CCDC178: variants seen among roughly 807,000 people sequenced by gnomAD.
The protein encoded by CCDC178 is coiled-coil domain-containing protein 178.
In CCDC178, 126 loss-of-function variants were observed where a neutral mutation model predicts 117.4. The observed-to-expected ratio is 1.07, with a 90% CI of 0.93 to 1.24. CCDC178 has a LOEUF of 1.24. Among genes scored for constraint, CCDC178 ranks in the 50% most tolerant of loss-of-function variants. CCDC178 has a pLI of 0.00. For missense variants in CCDC178, 1,030 were observed against 986.9 expected (o/e 1.04, Z -0.59); for synonymous variants, 283 against 313.4 (o/e 0.90, Z 1.02).
chr18:33,053,963 A>G (rs956728215), intron 21 of CCDC178, among the ~76,000 whole-genome samples: 1 of 152,176 alleles, frequency 6.6e-6, no homozygotes, highest in African/African-American at 2.4e-5. Context: ...TTATGTTAAA[A>G]TATAGTTTTC....
chr18:32,940,867 T>C lies in CCDC178; in HGVS notation c.2524-2776A>G, dbSNP rs2054223425. ...GAATCAACCTCCCTTTCTAAACTCA[T>C]TGGATTTGCTTTATGTGGGAAATGA... On this transcript the variant is annotated intron_variant, in intron 22 of 22. Coordinates refer to ENST00000383096, the MANE Select transcript of CCDC178 (RefSeq NM_001105528.4). Among the ~76,000 whole-genome samples the C allele has an allele frequency of 2.0e-5, 3 of 152,026 alleles. No homozygotes were observed. The South Asian group carries it at 6.2e-4, about 32-fold the overall frequency.
chr18:33,403,533 A>T (rs2063738719), intron 3 of CCDC178, among the ~76,000 whole-genome samples: 1 of 152,186 alleles, frequency 6.6e-6, no homozygotes, highest in Non-Finnish European at 1.5e-5. Context: ...AGAGGAATAA[A>T]GCAAATAGAC....
intron 21 of CCDC178, chr18:32,983,492 A>C: frequency 3.6e-6 from 2 of 551,142 alleles, no homozygotes; most frequent in Non-Finnish European, 6.4e-6. Flanking sequence ...AGAAGAGAAA[A>C]AAATGCTGTA....
At chr18:33,069,227 TC>T (rs1290636315) in intron 21 of CCDC178, among the ~76,000 whole-genome samples, 1 of 151,958 alleles carries the variant, frequency 6.6e-6, no homozygotes. Flanking sequence ...GCCAAAGCAA[TC>T]CTGAGTGAAA....
At position 33,055,344 on chromosome 18, in the gene CCDC178, C is replaced by CT. The variant is rs960283363; in HGVS notation, c.2388+37416dup. Among the ~76,000 whole-genome samples the CT allele has an allele frequency of 2.4e-3, 359 of 151,808 alleles. 1 individual carries two copies. The highest frequency in any genetic ancestry group is 8.3e-3 in the African/African-American group (345 of 41,402). On this transcript the variant is annotated intron_variant, in intron 21 of 22. Transcript: ENST00000383096. Reference sequence around the variant, plus strand: ...TTATCTTTAACTTCCTATTCTTTTTCTTTTTTTTAAGACAGGGTCTCTCAC... The same window carrying CT: ...TTATCTTTAACTTCCTATTCTTTTTCTTTTTTTTTAAGACAGGGTCTCTCAC...
Position 33,348,971 on chromosome 18 carries a change from T to C in CCDC178, c.376A>G (p.Arg126Gly). Reference protein sequence around the residue: ...RFETSFEEWSRTSSTKDLKED... With the variant: ...RFETSFEEWSGTSSTKDLKED... The stretch of plus-strand genomic sequence containing the variant: ...TTCAGGTCTTTTGTGGAAGAAGTTC[T>C]GCTCCTATATAATGGGAAAGAAGCA... Residue 126 changes from arginine to glycine, a missense_variant, in exon 8 of 23, where the codon AGA becomes GGA. Coordinates refer to ENST00000383096, the MANE Select transcript of CCDC178 (RefSeq NM_001105528.4). 6.2e-7 allele frequency: 1 copy of C among 1,602,566 alleles called. No individual in the cohort carries two copies. Among genetic ancestry groups the C allele is most frequent in the Non-Finnish European group, 8.5e-7 (1 of 1,173,382 alleles).
intron 21 of CCDC178, among the ~76,000 whole-genome samples, chr18:32,998,740 C>T (rs551477549): frequency 1.3e-5 from 2 of 152,090 alleles, no homozygotes; most frequent in South Asian, 2.1e-4. Flanking sequence ...AGAAAGGAAC[C>T]GTTGCCTTGA....
chr18:32,995,008 C>G (rs568081493), intron 21 of CCDC178, among the ~76,000 whole-genome samples: 1 of 152,246 alleles, frequency 6.6e-6, no homozygotes, highest in East Asian at 1.9e-4. Context: ...GATAGCAGCT[C>G]AGTTATGCCA....
chr18:33,094,164 CAT>C (rs1189315549), intron 20 of CCDC178, among the ~76,000 whole-genome samples: 3 of 151,978 alleles, frequency 2.0e-5, no homozygotes, highest in Admixed American at 2.0e-4. Context: ...AATATTATGT[CAT>C]AGCTATTCTT....
chr18:33,278,885 G>T (rs973664418), intron 12 of CCDC178, among the ~76,000 whole-genome samples: 1 of 152,094 alleles, frequency 6.6e-6, no homozygotes, highest in Non-Finnish European at 1.5e-5. Flanking sequence ...TGCAGAAAAG[G>T]CCTTTGACAA....
At chr18:33,369,505 AGTG>A (rs2063267277) in intron 6 of CCDC178, among the ~76,000 whole-genome samples, 1 of 152,004 alleles carries the variant, frequency 6.6e-6, no homozygotes, top group Non-Finnish European at 1.5e-5. Context: ...AGGTATGAGA[AGTG>A]GTATTTTTTG....
chr18:33,362,915 G>A (rs1266105922), intron 6 of CCDC178, among the ~76,000 whole-genome samples: 2 of 150,546 alleles, frequency 1.3e-5, no homozygotes, highest in African/African-American at 4.9e-5. Context: ...TATGCGATGT[G>A]AATTGCACCT....
At chr18:33,301,331 CA>C (rs2062174504) in intron 11 of CCDC178, among the ~76,000 whole-genome samples, 1 of 152,220 alleles carries the variant, frequency 6.6e-6, no homozygotes, top group South Asian at 2.1e-4. Flanking sequence ...AAGCCTGACC[CA>C]GGGGCAGGGC....
intron 11 of CCDC178, among the ~76,000 whole-genome samples, chr18:33,301,231 G>A (rs931881230): frequency 6.6e-6 from 1 of 152,240 alleles, no homozygotes; most frequent in South Asian, 2.1e-4. Flanking sequence ...TGTTAAGCCT[G>A]TGGGTGCATA....
intron 3 of CCDC178, among the ~76,000 whole-genome samples, chr18:33,402,507 A>C (rs2063722564): frequency 6.6e-6 from 1 of 152,184 alleles, no homozygotes. Flanking sequence ...ATTTTTAGAA[A>C]TACCTGGTTA....
At chr18:33,127,595 C>A (rs1025278190) in intron 20 of CCDC178, among the ~76,000 whole-genome samples, 1 of 152,080 alleles carries the variant, frequency 6.6e-6, no homozygotes, top group Non-Finnish European at 1.5e-5. Context: ...GCCACCGCGC[C>A]TGGCTAATTT....
intron 20 of CCDC178, among the ~76,000 whole-genome samples, chr18:33,106,302 TAAAG>T (rs2057703782): frequency 6.6e-6 from 1 of 151,354 alleles, no homozygotes; most frequent in African/African-American, 2.4e-5. Context: ...CCCAAGAAAA[TAAAG>T]AAAGGAAGGA....
chr18:33,010,170 G>C (rs78273183), intron 21 of CCDC178, among the ~76,000 whole-genome samples: 1,537 of 152,194 alleles, frequency 0.01, 26 homozygotes, highest in African/African-American at 0.036. Context: ...CAGTTTTGTA[G>C]TTTTATTATA....
intron 14 of CCDC178, among the ~76,000 whole-genome samples, chr18:33,262,989 C>A (rs544251891): frequency 1.3e-5 from 2 of 152,220 alleles, no homozygotes; most frequent in Middle Eastern, 3.4e-3. Flanking sequence ...TTGAGTTCCT[C>A]ATTTCTTCCT....
Sources: allele counts gnomAD v4.1 joint callset (sites outside exome capture counted in the v4.1 genomes callset), GRCh38; gene constraint gnomAD v4.1.1; transcripts MANE v1.5; gene names NCBI Gene and HGNC (gene_info 2026-07-23, HGNC 2026-07-21).